SLC38A8: variants seen among roughly 807,000 people sequenced by gnomAD.
The protein encoded by SLC38A8 is solute carrier family 38 member 8, also known as amino acid transporter SLC38A8.
Under a neutral mutation model 46.0 loss-of-function variants are expected in SLC38A8, and 65 were observed. The observed-to-expected ratio is 1.41, with a 90% CI of 1.16 to 1.74. SLC38A8 has a LOEUF of 1.74. Among genes scored for constraint, SLC38A8 ranks in the 40% most tolerant of loss-of-function variants. The pLI is 0.00. For missense variants in SLC38A8, 998 were observed against 567.9 expected (o/e 1.76, Z -7.70); for synonymous variants, 447 against 243.7 (o/e 1.83, Z -7.77).
chr16:84,017,311 CCA>C lies in SLC38A8; in HGVS notation c.806-26_806-25del, dbSNP rs1249927383. On this transcript the variant is annotated intron_variant, in intron 7 of 10. Coordinates refer to ENST00000299709, the MANE Select transcript of SLC38A8 (RefSeq NM_001080442.3). ...CCCTGAAGGTGGGAAAGGATGGAAGCCACAGAGTGGATTAGGAAAATGCTGCC... is the reference window on the plus strand; with the variant it reads ...CCCTGAAGGTGGGAAAGGATGGAAGCCAGAGTGGATTAGGAAAATGCTGCC... 5 of 1,612,772 alleles carry C rather than the reference CCA, an allele frequency of 3.1e-6. 1 individual carries two copies. In the South Asian group the frequency reaches 4.4e-5, roughly 14 times the overall value.
chr16:84,042,395 G>C (rs1425407424), intron 1 of SLC38A8, among the ~76,000 whole-genome samples, 156 bp downstream of exon 1: 2 of 151,258 alleles, frequency 1.3e-5, no homozygotes, highest in African/African-American at 2.4e-5. Context: ...CCTCCCACTA[G>C]ACCCCAAGGC....
At chr16:84,040,904 C>T (rs1048298478) in intron 2 of SLC38A8, among the ~76,000 whole-genome samples, 2 of 152,222 alleles carry the variant, frequency 1.3e-5, no homozygotes, top group African/African-American at 4.8e-5. Context: ...CTAGGCCAGG[C>T]ACGGGGCAGG....
intron 7 of SLC38A8, among the ~76,000 whole-genome samples, chr16:84,020,546 G>C (rs889989924): frequency 2.1e-4 from 32 of 152,222 alleles, no homozygotes; most frequent in Admixed American, 1.7e-3. Flanking sequence ...ATCCTGCCAA[G>C]GTTTACCACT....
At chr16:84,027,081 G>A (rs1380458895) in intron 6 of SLC38A8, among the ~76,000 whole-genome samples, 1 of 152,224 alleles carries the variant, frequency 6.6e-6, no homozygotes, top group African/African-American at 2.4e-5. Flanking sequence ...GCCAGGCACA[G>A]TGGCTCACGC....
rs1387496280 is a variant in SLC38A8, at chr16:84,036,875, C to T, written c.215G>A (p.Gly72Glu). The T allele has an allele frequency of 1.5e-5, 24 of 1,612,950 alleles. No homozygotes were observed. The highest frequency in any genetic ancestry group is 1.9e-5 in the Non-Finnish European group (23 of 1,179,944). ...AGCAGCATAGCCCAGGATGACCAGC[C>T]CGCTGATCAGGAAGACCAACGAGAC... ...ELVSLVFLIS[G>E]LVILGYAAAV... is the part of the protein sequence containing the mutation. The change falls in exon 3 of 11, where the codon GGG becomes GAG. Residue 72 changes from glycine to glutamate, a missense_variant. Coordinates refer to ENST00000299709, the MANE Select transcript of SLC38A8 (RefSeq NM_001080442.3).
At chr16:84,035,698 T>A (rs2085292787) in intron 3 of SLC38A8, among the ~76,000 whole-genome samples, 1 of 152,182 alleles carries the variant, frequency 6.6e-6, no homozygotes. Context: ...GATGCTAGAG[T>A]GCCTCTATTA....
rs149638936 is a variant in SLC38A8, at chr16:84,022,980, G to A, written c.691-91C>T. Reference sequence around the variant, plus strand: ...CTCATATCCAAAAGGCGGGAAATGTGGGATATGATGAGGTTTCTCTTGAAA... The same window carrying A: ...CTCATATCCAAAAGGCGGGAAATGTAGGATATGATGAGGTTTCTCTTGAAA... On this transcript the variant is annotated intron_variant, in intron 6 of 10. Transcript: ENST00000299709. 1.8e-4 allele frequency: 154 copies of A among 853,974 alleles called. No homozygotes were observed. In the Middle Eastern group the frequency reaches 3.4e-3, roughly 19 times the overall value. 52.9% of individuals were successfully genotyped at this position (853,974 alleles called of 1,614,324 possible).
At chr16:84,039,768 AG>A (rs1317029022) in intron 2 of SLC38A8, 1 of 67,168 alleles carries the variant, frequency 1.5e-5, no homozygotes, top group East Asian at 5.9e-4. Context: ...AAAAAAAAAA[AG>A]GCAGGGGAAG....
intron 1 of SLC38A8, 127 bp from the exon 2 acceptor site, chr16:84,042,286 C>T (rs1018483353): frequency 5.0e-6 from 5 of 992,106 alleles, no homozygotes; most frequent in Admixed American, 3.0e-5. Flanking sequence ...GCTTCCTTGG[C>T]GTCAGCTCCC....
intron 4 of SLC38A8, among the ~76,000 whole-genome samples, chr16:84,032,847 C>G (rs1024479342): frequency 6.6e-6 from 1 of 152,094 alleles, no homozygotes; most frequent in Non-Finnish European, 1.5e-5. Flanking sequence ...TGTGTGTGTG[C>G]ACACATGTGC....
At chr16:84,013,617 G>C (rs938364850) in intron 9 of SLC38A8, among the ~76,000 whole-genome samples, 4 of 151,634 alleles carry the variant, frequency 2.6e-5, no homozygotes, top group African/African-American at 9.7e-5. Flanking sequence ...TTTTAGTAGA[G>C]ACGGGATTTC....
Position 84,029,490 on chromosome 16 carries a change from T to C in SLC38A8, c.690+4A>G, listed in dbSNP as rs761110182. Reference sequence around the variant, plus strand: ...ACAGGCTGCAACACAGATGCTAAAATTACCTGAAACCCGAAGCAGATGGTG... The same window carrying C: ...ACAGGCTGCAACACAGATGCTAAAACTACCTGAAACCCGAAGCAGATGGTG... On this transcript the variant is annotated splice_donor_region_variant and intron_variant, in intron 6 of 10. Transcript: ENST00000299709. The C allele has an allele frequency of 1.2e-6, 2 of 1,613,834 alleles. No homozygotes were observed. Among genetic ancestry groups the C allele is most frequent in the Non-Finnish European group, 1.7e-6 (2 of 1,179,918 alleles).
Position 84,026,397 on chromosome 16 carries a change from T to C in SLC38A8, c.690+3097A>G, listed in dbSNP as rs537516960. Among the ~76,000 whole-genome samples the C allele has an allele frequency of 1.4e-3, 212 of 152,324 alleles. 3 individuals are homozygous for C. The highest frequency in any genetic ancestry group is 4.8e-3 in the African/African-American group (201 of 41,574). On this transcript the variant is annotated intron_variant, in intron 6 of 10. Transcript: ENST00000299709. The stretch of plus-strand genomic sequence containing the variant: ...CCGCACCGCCATGCCCGGCTAATTT[T>C]TGTATTTTTAGTGAAGATGGGGTTT...
chr16:84,021,343 G>C (rs1415528170), intron 7 of SLC38A8, among the ~76,000 whole-genome samples: 1 of 152,176 alleles, frequency 6.6e-6, no homozygotes, highest in Non-Finnish European at 1.5e-5. Context: ...GCGATGACAG[G>C]AGTGAGCCAC....
chr16:84,032,064 G>A (rs1382659795), intron 4 of SLC38A8, 96 bp from the exon 5 acceptor site: 47 of 1,067,118 alleles, frequency 4.4e-5, no homozygotes, highest in Non-Finnish European at 5.6e-5. Context: ...CTCCGCCCTT[G>A]ACAATGAGGT....
chr16:84,028,681 C>G (rs1474259819), intron 6 of SLC38A8, among the ~76,000 whole-genome samples: 1 of 150,964 alleles, frequency 6.6e-6, no homozygotes, highest in Non-Finnish European at 1.5e-5. Flanking sequence ...GGCCCGCCAC[C>G]TCCCCTGCCC....
intron 3 of SLC38A8, 99 bp from the exon 4 acceptor site, chr16:84,033,568 C>T: frequency 7.3e-7 from 1 of 1,378,232 alleles, no homozygotes; most frequent in East Asian, 2.5e-5. Context: ...TGGACATCCA[C>T]CCTCAGCCAG....
chr16:84,043,070 G>A (rs2085385086), upstream of SLC38A8, among the ~76,000 whole-genome samples: 2 of 152,138 alleles, frequency 1.3e-5, no homozygotes, highest in Non-Finnish European at 2.9e-5. Flanking sequence ...TGCAGAACAG[G>A]CTCCACCGTC....
chr16:84,026,994 G>A (rs570851286), intron 6 of SLC38A8, among the ~76,000 whole-genome samples: 1 of 152,124 alleles, frequency 6.6e-6, no homozygotes, highest in Non-Finnish European at 1.5e-5. Flanking sequence ...CCATTGCACT[G>A]CACACTTCAG....
Sources: gnomAD v4.1 joint callset for allele counts (sites outside exome capture counted in the v4.1 genomes callset) on GRCh38, gnomAD v4.1.1 for gene constraint, MANE v1.5 for transcripts, NCBI Gene and HGNC (gene_info 2026-07-23, HGNC 2026-07-21) for gene names.